PRKCE: variants seen among roughly 807,000 people sequenced by gnomAD.
PRKCE encodes protein kinase C epsilon type.
Under a neutral mutation model 85.4 loss-of-function variants are expected in PRKCE, and 16 were observed. The ratio of observed to expected loss-of-function variants is 0.19; its 90% CI spans 0.13 to 0.28. The LOEUF (loss-of-function observed/expected upper bound fraction) is 0.28, where lower values mean the gene tolerates loss of function less well. PRKCE is among the 10% of genes least tolerant of loss of function. The pLI is 1.00. For synonymous variants in PRKCE, 388 were observed against 371.5 expected (o/e 1.04, Z -0.51); for missense variants, 573 against 975.2 (o/e 0.59, Z 5.49).
intron 1 of PRKCE, among the ~76,000 whole-genome samples, chr2:45,690,919 T>C (rs1185710338): frequency 6.6e-6 from 1 of 152,242 alleles, no homozygotes; most frequent in Non-Finnish European, 1.5e-5. Flanking sequence ...AGCACATACC[T>C]TAGGGTGCCA....
chr2:46,057,586 A>G (rs2105100682), intron 10 of PRKCE, among the ~76,000 whole-genome samples: 1 of 151,930 alleles, frequency 6.6e-6, no homozygotes, highest in East Asian at 1.9e-4. Flanking sequence ...AGGCGCCACC[A>G]CCATGCCCGG....
chr2:46,131,609 A>C (rs1674457158), intron 11 of PRKCE, among the ~76,000 whole-genome samples: 1 of 152,214 alleles, frequency 6.6e-6, no homozygotes, highest in Non-Finnish European at 1.5e-5. Flanking sequence ...CATTGCCCCA[A>C]CTAACCTGCT....
intron 10 of PRKCE, among the ~76,000 whole-genome samples, chr2:46,016,480 T>G (rs1264631307): frequency 1.3e-5 from 2 of 152,126 alleles, no homozygotes; most frequent in African/African-American, 4.8e-5. Context: ...AAGGAAAAGT[T>G]GTGGAGTTTG....
intron 1 of PRKCE, among the ~76,000 whole-genome samples, chr2:45,798,865 G>T (rs554393534): frequency 6.6e-6 from 1 of 151,496 alleles, no homozygotes; most frequent in Non-Finnish European, 1.5e-5. Flanking sequence ...GGTGTTTTCT[G>T]TTTTTTAAAA....
chr2:45,725,476 C>T lies in PRKCE; in HGVS notation c.348+73028C>T, dbSNP rs146288552. ...AATACATTTCATAAGGCTTTAGCTG[C>T]CATAGATATTGATTTCTCTGATGGA... On this transcript the variant is annotated intron_variant, in intron 1 of 14. Coordinates refer to ENST00000306156, the MANE Select transcript of PRKCE (RefSeq NM_005400.3). Among the ~76,000 whole-genome samples the T allele has an allele frequency of 5.3e-5, 8 of 152,232 alleles. No homozygotes were observed. In the East Asian group the frequency reaches 1.5e-3, roughly 29 times the overall value.
chr2:45,826,693 C>G (rs1259038620), intron 1 of PRKCE, among the ~76,000 whole-genome samples: 1 of 152,142 alleles, frequency 6.6e-6, no homozygotes, highest in Non-Finnish European at 1.5e-5. Context: ...TCCTGTTCAC[C>G]CCACCCACCC....
chr2:45,932,406 G>A (rs1034341711), intron 2 of PRKCE, among the ~76,000 whole-genome samples: 3 of 152,078 alleles, frequency 2.0e-5, no homozygotes, highest in African/African-American at 4.8e-5. Context: ...AAATGTACAC[G>A]CTGGCATTGA....
chr2:45,815,214 C>T, intron 1 of PRKCE, among the ~76,000 whole-genome samples: 1 of 152,210 alleles, frequency 6.6e-6, no homozygotes, highest in East Asian at 1.9e-4. Context: ...TCTTTGGTCT[C>T]TCTTCAGTGG....
chr2:45,655,940 G>T (rs1479602518), intron 1 of PRKCE, among the ~76,000 whole-genome samples: 1 of 151,534 alleles, frequency 6.6e-6, no homozygotes, highest in Non-Finnish European at 1.5e-5. Context: ...GAAACAGTAG[G>T]TTATATTTAA....
intron 6 of PRKCE, among the ~76,000 whole-genome samples, chr2:45,989,133 TG>T (rs776166509): frequency 6.6e-6 from 1 of 152,200 alleles, no homozygotes; most frequent in African/African-American, 2.4e-5. Flanking sequence ...TGCGGGGGCC[TG>T]TGGAAGCGGA....
intron 1 of PRKCE, among the ~76,000 whole-genome samples, chr2:45,751,910 C>T (rs1420370197): frequency 2.1e-5 from 3 of 144,788 alleles, no homozygotes; most frequent in African/African-American, 5.1e-5. Context: ...CTCCGCCTCC[C>T]GGGTTCACGC....
At chr2:46,030,310 C>T (rs1004934490) in intron 10 of PRKCE, among the ~76,000 whole-genome samples, 1 of 152,204 alleles carries the variant, frequency 6.6e-6, no homozygotes, top group African/African-American at 2.4e-5. Context: ...ATGTGAACCT[C>T]CTGTCTAACC....
At chr2:46,062,539 G>C (rs992390436) in intron 10 of PRKCE, among the ~76,000 whole-genome samples, 1 of 152,176 alleles carries the variant, frequency 6.6e-6, no homozygotes, top group Non-Finnish European at 1.5e-5. Flanking sequence ...GAGTTCGACA[G>C]AGTGATACCT....
chr2:45,872,514 T>C (rs1694173591), intron 2 of PRKCE, among the ~76,000 whole-genome samples: 1 of 152,074 alleles, frequency 6.6e-6, no homozygotes, highest in Non-Finnish European at 1.5e-5. Flanking sequence ...TGTGTAAGAA[T>C]GGGCAGCAAG....
intron 1 of PRKCE, among the ~76,000 whole-genome samples, chr2:45,785,546 T>C (rs1209639512): frequency 6.6e-6 from 1 of 151,642 alleles, no homozygotes; most frequent in African/African-American, 2.4e-5. Context: ...TGGTGAAAGC[T>C]GGAGGCAGTG....
In PRKCE at chr2:46,127,568, G is replaced by A. The variant is rs1574542128; in HGVS notation, c.1593-17525G>A. 2.0e-5 allele frequency among the ~76,000 whole-genome samples: 3 copies of A among 152,356 alleles called. 1 individual carries two copies. Among genetic ancestry groups the A allele is most frequent in the Admixed American group, 2.0e-4 (3 of 15,306 alleles). On this transcript the variant is annotated intron_variant, in intron 11 of 14. Coordinates refer to ENST00000306156, the MANE Select transcript of PRKCE (RefSeq NM_005400.3). The stretch of plus-strand genomic sequence containing the variant: ...GTATTGGTCTCTGCTATCAACCAGT[G>A]CTGTGCACTTGTGGGGAACGTATGA...
At chr2:45,810,441 C>T (rs74412863) in intron 1 of PRKCE, among the ~76,000 whole-genome samples, 3 of 152,016 alleles carry the variant, frequency 2.0e-5, no homozygotes, top group Admixed American at 6.6e-5. Context: ...ATGAGGGAAC[C>T]AGTAAGATGT....
intron 1 of PRKCE, among the ~76,000 whole-genome samples, chr2:45,717,578 C>G (rs1680244067): frequency 1.3e-5 from 2 of 152,202 alleles, no homozygotes; most frequent in Admixed American, 1.3e-4. Flanking sequence ...GTTCTGTAAT[C>G]TGTCTTGACT....
intron 1 of PRKCE, among the ~76,000 whole-genome samples, chr2:45,658,489 T>A (rs935517933): frequency 6.6e-6 from 1 of 152,230 alleles, no homozygotes; most frequent in East Asian, 1.9e-4. Context: ...TGGACCGCTC[T>A]CCCTGGATTC....
Sources: allele counts gnomAD v4.1 joint callset (sites outside exome capture counted in the v4.1 genomes callset), GRCh38; gene constraint gnomAD v4.1.1; transcripts MANE v1.5; gene names NCBI Gene and HGNC (gene_info 2026-07-23, HGNC 2026-07-21).